Variants in NFIA observed in about 807,000 individuals in gnomAD.
NFIA encodes nuclear factor 1 A-type.
In NFIA, 8 loss-of-function variants were observed where a neutral mutation model predicts 62.8. The observed-to-expected ratio is 0.13, with a 90% CI of 0.07 to 0.23. NFIA has a LOEUF of 0.23. Among genes scored for constraint, NFIA ranks in the 10% least tolerant of loss-of-function variants. The probability of loss-of-function intolerance (pLI) is 1.00; values close to 1 mark genes in which losing one functional copy is unlikely to be tolerated. For missense variants in NFIA, 410 were observed against 642.1 expected, an observed-to-expected ratio of 0.64 and a Z score of 3.91; for synonymous variants, 235 against 238.1, an observed-to-expected ratio of 0.99 and a Z score of 0.12.
At chr1:61,126,966 T>C (rs185050517) in intron 2 of NFIA, among the ~76,000 whole-genome samples, 3 of 151,764 alleles carry the variant, frequency 2.0e-5, no homozygotes, top group Admixed American at 6.6e-5. Context: ...CTAGTTTTTG[T>C]ATTTTTAGTA....
At chr1:61,347,243 G>T (rs1022501704) in intron 4 of NFIA, among the ~76,000 whole-genome samples, 4 of 134,202 alleles carry the variant, frequency 3.0e-5, no homozygotes, top group Admixed American at 9.5e-5. Flanking sequence ...GCACGATCTG[G>T]GCTCACTGTA....
chr1:61,155,674 C>T (rs202038915), intron 2 of NFIA, among the ~76,000 whole-genome samples: 1 of 15,436 alleles, frequency 6.5e-5, no homozygotes, highest in East Asian at 1.8e-3. Flanking sequence ...AGCGAGACTC[C>T]ATCTCAAAAA....
At chr1:61,198,022 G>GA (rs1225919980) in intron 2 of NFIA, among the ~76,000 whole-genome samples, 1 of 152,090 alleles carries the variant, frequency 6.6e-6, no homozygotes, top group Non-Finnish European at 1.5e-5. Flanking sequence ...GAAAGAGAAA[G>GA]AACGAACAGA....
rs150190019 is a variant in NFIA, at chr1:61,151,924, G to C, written c.559+63244G>C. On this transcript the variant is annotated intron_variant, in intron 2 of 10. Coordinates refer to ENST00000403491, the MANE Select transcript of NFIA (RefSeq NM_001134673.4). ...TTTCTGCAATCACCCTCTATACTCA[G>C]AATGTGGAAACCTTGGCATCTCTCA... 6.0e-3 allele frequency among the ~76,000 whole-genome samples: 907 copies of C among 152,296 alleles called. 12 individuals carry two copies. Among genetic ancestry groups the C allele is most frequent in the African/African-American group, 0.02 (845 of 41,540 alleles).
intron 6 of NFIA, among the ~76,000 whole-genome samples, chr1:61,370,049 T>C (rs989921687): frequency 4.6e-5 from 7 of 152,150 alleles, no homozygotes; most frequent in East Asian, 3.9e-4. Context: ...ACATGGGGAA[T>C]TGGGGAGAGA....
chr1:61,272,367 AGTATTACAAT>A (rs769561953), intron 2 of NFIA, among the ~76,000 whole-genome samples: 13 of 152,336 alleles, frequency 8.5e-5, no homozygotes, highest in Non-Finnish European at 1.5e-4. Flanking sequence ...AATATTACAA[AGTATTACAAT>A]AATAATTTCT....
At position 61,228,371 on chromosome 1, in the gene NFIA, G is replaced by A. The variant is rs1654461233; in HGVS notation, c.560-49149G>A. 1.3e-5 allele frequency among the ~76,000 whole-genome samples: 2 copies of A among 152,200 alleles called. 1 individual carries two copies. Among genetic ancestry groups the A allele is most frequent in the Non-Finnish European group, 2.9e-5 (2 of 68,022 alleles). On this transcript the variant is annotated intron_variant, in intron 2 of 10. Coordinates refer to ENST00000403491, the MANE Select transcript of NFIA (RefSeq NM_001134673.4). The stretch of plus-strand genomic sequence containing the variant: ...ATGGATAGACAGAGCTGGGGGAAGT[G>A]TCCCAGCGGGTTTTTGCAGTCTGTC...
At chr1:61,413,979 T>A (rs1250870406) in intron 9 of NFIA, among the ~76,000 whole-genome samples, 1 of 150,626 alleles carries the variant, frequency 6.6e-6, no homozygotes, top group Non-Finnish European at 1.5e-5. Flanking sequence ...GTTTTTTTGT[T>A]TTTTTGTTTG....
chr1:61,321,092 A>C (rs1292939948), intron 3 of NFIA, among the ~76,000 whole-genome samples: 1 of 152,008 alleles, frequency 6.6e-6, no homozygotes, highest in Non-Finnish European at 1.5e-5. Context: ...AAAAAATGTT[A>C]ATTTATAGTG....
chr1:61,277,440 C>G, intron 2 of NFIA, 80 bp from the exon 3 acceptor site: 1 of 1,348,116 alleles, frequency 7.4e-7, no homozygotes, highest in Non-Finnish European at 1.1e-6. Context: ...TAGGTTGAAC[C>G]TTTTGAGAAA....
At chr1:61,290,122 A>ATGGT (rs1200899301) in intron 3 of NFIA, among the ~76,000 whole-genome samples, 1 of 150,038 alleles carries the variant, frequency 6.7e-6, no homozygotes, top group African/African-American at 2.5e-5. Context: ...TTATGAGTAT[A>ATGGT]TGGTACTTTA....
chr1:61,395,292 T>G (rs1328655262), intron 7 of NFIA, among the ~76,000 whole-genome samples: 7 of 151,268 alleles, frequency 4.6e-5, no homozygotes, highest in East Asian at 1.9e-4. Context: ...GTGTGTGTTT[T>G]TTTTTTTTTT....
At chr1:61,245,859 G>A (rs765699479) in intron 2 of NFIA, among the ~76,000 whole-genome samples, 7 of 152,024 alleles carry the variant, frequency 4.6e-5, no homozygotes, top group East Asian at 1.9e-4. Context: ...TAGAGCTCAC[G>A]GCAAGAGTCC....
intron 10 of NFIA, among the ~76,000 whole-genome samples, chr1:61,442,807 TC>T (rs1333890254): frequency 6.6e-6 from 1 of 152,214 alleles, no homozygotes. Flanking sequence ...AACCAATCAG[TC>T]CTGGCTAAAG....
chr1:61,362,288 A>C (rs1431587731), intron 6 of NFIA, among the ~76,000 whole-genome samples: 2 of 152,112 alleles, frequency 1.3e-5, no homozygotes, highest in East Asian at 3.9e-4. Flanking sequence ...TTACCTTCAG[A>C]AATATGTTGG....
Position 61,445,624 on chromosome 1 carries a change from C to T in NFIA, c.1513-9679C>T, listed in dbSNP as rs190124617. Among the ~76,000 whole-genome samples the T allele has an allele frequency of 1.2e-3, 186 of 152,252 alleles. 1 individual carries two copies. Among genetic ancestry groups the T allele is most frequent in the African/African-American group, 4.0e-3 (167 of 41,554 alleles). Reference sequence around the variant, plus strand: ...GGAGAAAAGTATTGTTCACTGGTTCCGGGTTTGGGCTTTCAGGATAACACA... The same window carrying T: ...GGAGAAAAGTATTGTTCACTGGTTCTGGGTTTGGGCTTTCAGGATAACACA... On this transcript the variant is annotated intron_variant, in intron 10 of 10. Coordinates refer to ENST00000403491, the MANE Select transcript of NFIA (RefSeq NM_001134673.4).
chr1:61,175,210 T>C lies in NFIA; in HGVS notation c.559+86530T>C, dbSNP rs575223800. ...AGGCTGGAGTACAGTGACATAATCT[T>C]GGCTCACTACAACTTGTGCCTCCCA... On this transcript the variant is annotated intron_variant, in intron 2 of 10. Coordinates refer to ENST00000403491, the MANE Select transcript of NFIA (RefSeq NM_001134673.4). Among the ~76,000 whole-genome samples, 6 of 152,162 alleles carry C rather than the reference T, an allele frequency of 3.9e-5. No homozygotes were observed. The East Asian group carries it at 5.8e-4, about 15-fold the overall frequency.
At chr1:61,106,459 C>G (rs1646602936) in intron 2 of NFIA, among the ~76,000 whole-genome samples, 2 of 151,742 alleles carry the variant, frequency 1.3e-5, no homozygotes, top group Non-Finnish European at 3.0e-5. Flanking sequence ...ACAAATTATT[C>G]ACATTAGTCA....
chr1:61,283,941 G>T (rs1658321822), intron 3 of NFIA, among the ~76,000 whole-genome samples: 1 of 152,124 alleles, frequency 6.6e-6, no homozygotes, highest in Non-Finnish European at 1.5e-5. Flanking sequence ...AAAAAATTTG[G>T]AGGCAATGCA....
Sources: gnomAD v4.1 joint callset for allele counts (sites outside exome capture counted in the v4.1 genomes callset) on GRCh38, gnomAD v4.1.1 for gene constraint, MANE v1.5 for transcripts, NCBI Gene and HGNC (gene_info 2026-07-23, HGNC 2026-07-21) for gene names.